Variants in EPHA1 observed in about 807,000 individuals in gnomAD.
EPHA1 encodes the protein EPH receptor A1, also known as ephrin type-A receptor 1.
A neutral mutation model predicts 110.1 loss-of-function variants in EPHA1; 92 were observed. That is an observed-to-expected ratio of 0.84 (90% CI 0.71 to 0.99). The LOEUF is 0.99. Ranked by LOEUF, EPHA1 falls within the 50% of genes least tolerant of loss-of-function variation. EPHA1 has a pLI of 0.00. For missense variants in EPHA1, 1,204 were observed against 1,285.4 expected, an observed-to-expected ratio of 0.94 and a Z score of 0.97; for synonymous variants, 500 against 516.1, an observed-to-expected ratio of 0.97 and a Z score of 0.42.
chr7:143,403,556 T>C (rs964697979), intron 2 of EPHA1, among the ~76,000 whole-genome samples: 7 of 152,272 alleles, frequency 4.6e-5, no homozygotes, highest in African/African-American at 1.7e-4. Context: ...CATGTACAGA[T>C]TGATGTAAGA....
In EPHA1 at chr7:143,391,235, C is replaced by T. The variant is rs1140689; in HGVS notation, c.*222G>A. 5.1e-6 allele frequency: 3 copies of T among 590,378 alleles called. No individual in the cohort carries two copies. The highest frequency in any genetic ancestry group is 9.1e-6 in the Non-Finnish European group (3 of 331,356). The allele number at this position is 590,378 out of a possible 1,614,324, so 36.6% of individuals were successfully genotyped here. A position where few individuals can be genotyped will look rare whatever the true frequency, so the allele number is the denominator to read the frequency against. On this transcript the variant is annotated 3_prime_UTR_variant, in exon 18 of 18. Coordinates refer to ENST00000275815, the MANE Select transcript of EPHA1 (RefSeq NM_005232.5). ...TATGTATGTATATATATTAACCCCT[C>T]AGCTCCCTCCCATGATCATCCTTTT...
chr7:143,407,443 C>T (rs1049717430), intron 2 of EPHA1, among the ~76,000 whole-genome samples, 168 bp downstream of exon 2: 1 of 152,102 alleles, frequency 6.6e-6, no homozygotes, highest in African/African-American at 2.4e-5. Flanking sequence ...CTGACCCCCC[C>T]ACCCCTTGTC....
intron 2 of EPHA1, among the ~76,000 whole-genome samples, chr7:143,405,116 A>G (rs1805511314): frequency 6.6e-6 from 1 of 152,114 alleles, no homozygotes; most frequent in African/African-American, 2.4e-5. Context: ...AGGAAGCTGG[A>G]ATGAAAAAGG....
In EPHA1 at chr7:143,393,253, G is replaced by GC. The variant is rs1005865776; in HGVS notation, c.2696+417dup. Among the ~76,000 whole-genome samples the GC allele has an allele frequency of 1.1e-4, 17 of 152,120 alleles. No individual in the cohort carries two copies. Among genetic ancestry groups the GC allele is most frequent in the African/African-American group, 4.1e-4 (17 of 41,416 alleles). Reference sequence around the variant, plus strand: ...ATCTCCAATGTCCAGCAAACAGCTTGCACCAGTAGGTCCTCCAAAACTTCA... The same window carrying GC: ...ATCTCCAATGTCCAGCAAACAGCTTGCCACCAGTAGGTCCTCCAAAACTTCA... On this transcript the variant is annotated intron_variant, in intron 16 of 17. Coordinates refer to ENST00000275815, the MANE Select transcript of EPHA1 (RefSeq NM_005232.5). This position sits in a 1 kb window ranked among gnomAD's most constrained non-coding sequence, Gnocchi z 5.6.
At chr7:143,403,523 T>C (rs73726639) in intron 2 of EPHA1, among the ~76,000 whole-genome samples, 23 of 149,872 alleles carry the variant, frequency 1.5e-4, no homozygotes, top group African/African-American at 5.5e-4. Context: ...CAGCTTCTAG[T>C]TTTTTTTTCT....
intron 11 of EPHA1, among the ~76,000 whole-genome samples, 162 bp downstream of exon 11, chr7:143,396,223 C>T (rs759808203): frequency 6.6e-6 from 1 of 152,192 alleles, no homozygotes; most frequent in Non-Finnish European, 1.5e-5. Flanking sequence ...CGCAATGGTT[C>T]AAAGAGGATA....
rs1554448252 is a variant in EPHA1 at position 143,397,545 on chromosome 7, G to GC, written c.1712+15_1712+16insG. 5 of 1,613,674 alleles carry GC rather than the reference G, an allele frequency of 3.1e-6. No individual in the cohort carries two copies. The highest frequency in any genetic ancestry group is 4.2e-6 in the Non-Finnish European group (5 of 1,179,738). On this transcript the variant is annotated intron_variant, in intron 9 of 17. Coordinates refer to ENST00000275815, the MANE Select transcript of EPHA1 (RefSeq NM_005232.5). ...GACCCAGGGCTGGTGGTTGGGGAGG[G>GC]GGCAGGAGCTGGCACCTGGACCGGA...
intron 3 of EPHA1, 74 bp from the exon 4 acceptor site, chr7:143,400,127 T>A: frequency 6.7e-7 from 1 of 1,489,656 alleles, no homozygotes; most frequent in Non-Finnish European, 9.0e-7. Context: ...GAAACAATCG[T>A]TTGCTTAATA....
intron 4 of EPHA1, 51 bp from the exon 5 acceptor site, chr7:143,399,464 A>G: frequency 6.5e-7 from 1 of 1,547,106 alleles, no homozygotes; most frequent in Non-Finnish European, 8.7e-7. Context: ...TTTTACAGGC[A>G]GAACCACCAC....
chr7:143,394,236 C>T lies in EPHA1; in HGVS notation c.2460G>A (p.Leu820=), dbSNP rs977426872. The change falls in exon 15 of 18, where the codon CTG becomes CTA. Residue 820 remains leucine (L), a synonymous_variant. Coordinates refer to ENST00000275815, the MANE Select transcript of EPHA1 (RefSeq NM_005232.5). ...CCCCATAAGGCTTGTCCCCAAAGCT[C>T]AGCACCTCCCACATCACAATCCCAA... ...WSFGIVMWEV[L]SFGDKPYGEM... The T allele has an allele frequency of 7.4e-6, 12 of 1,613,960 alleles. No individual in the cohort carries two copies. The highest frequency in any genetic ancestry group is 4.0e-5 in the African/African-American group (3 of 74,892).
rs775145198 is a variant in EPHA1 at position 143,394,961 on chromosome 7, T to C, written c.2199A>G (p.Ile733Met). The C allele has an allele frequency of 2.5e-5, 41 of 1,614,054 alleles. No homozygotes were observed. In the South Asian group the frequency reaches 2.9e-4, roughly 11 times the overall value. ...PGQLVAMLQG[I>M]ASGMNYLSNH... is the part of the protein sequence containing the mutation. ...TACTGAGGTAGTTCATGCCAGATGC[T>C]ATGCCCTGCAGCATGGCCACTAGCT... Residue 733 changes from isoleucine to methionine, a missense_variant, in exon 14 of 18, where the codon ATA (isoleucine) becomes ATG (methionine). Ile to Met is a conservative substitution (Grantham distance 10, BLOSUM62 1). Coordinates refer to ENST00000275815, the MANE Select transcript of EPHA1 (RefSeq NM_005232.5).
rs1050291925 is a variant in EPHA1 at position 143,407,666 on chromosome 7, T to C, written c.95A>G (p.Asp32Gly). 1 of 1,613,332 alleles carries C rather than the reference T, an allele frequency of 6.2e-7. No individual in the cohort carries two copies. The highest frequency in any genetic ancestry group is 1.3e-5 in the African/African-American group (1 of 74,902). ...CAGCTCTCCCTGTGCCTTGCTTGTG[T>C]CCATCAGAGTAACTGAAAGTGGGGA... ...GARAKEVTLM[D>G]TSKAQGELGW... The change falls in exon 2 of 18, where the codon GAC becomes GGC. Residue 32 changes from aspartate to glycine, a missense_variant. By Grantham distance (94) the Asp-to-Gly change is moderately conservative. Coordinates refer to ENST00000275815, the MANE Select transcript of EPHA1 (RefSeq NM_005232.5).
In EPHA1 at chr7:143,395,350, A is replaced by G. The variant is rs768978982; in HGVS notation, c.2052T>C (p.His684=). The G allele has an allele frequency of 6.2e-7, 1 of 1,614,192 alleles. No homozygotes were observed. Among genetic ancestry groups the G allele is most frequent in the South Asian group, 1.1e-5 (1 of 91,084 alleles). ...ATIMGQFSHP[H]ILHLEGVVTK... ...TGACGACGCCTTCCAGATGCAGAATATGCGGGTGGCTAAACTGGCCCATGA... is the reference window on the plus strand; with the variant it reads ...TGACGACGCCTTCCAGATGCAGAATGTGCGGGTGGCTAAACTGGCCCATGA... Residue 684 remains histidine (H), a synonymous_variant, in exon 12 of 18, where the codon CAT becomes CAC. Coordinates refer to ENST00000275815, the MANE Select transcript of EPHA1 (RefSeq NM_005232.5). The surrounding 1 kb of genome is among the most constrained non-coding windows in gnomAD (Gnocchi z 4.7).
At chr7:143,392,331 GA>G (rs1262995405) in intron 16 of EPHA1, among the ~76,000 whole-genome samples, 1 of 152,192 alleles carries the variant, frequency 6.6e-6, no homozygotes, top group African/African-American at 2.4e-5. Context: ...TCTGCTGGGG[GA>G]AAAAATATCC....
At chr7:143,405,846 G>C (rs892817027) in intron 2 of EPHA1, among the ~76,000 whole-genome samples, 3 of 152,156 alleles carry the variant, frequency 2.0e-5, no homozygotes, top group African/African-American at 7.2e-5. Context: ...CAGAGGGAAA[G>C]AAAGCAAGTA....
intron 3 of EPHA1, 108 bp from the exon 4 acceptor site, chr7:143,400,161 G>T: frequency 1.5e-6 from 2 of 1,319,052 alleles, no homozygotes; most frequent in Non-Finnish European, 2.0e-6. Context: ...TGAACACTGA[G>T]CCTTGTATGT....
At chr7:143,392,398 C>G (rs1007111135) in intron 16 of EPHA1, among the ~76,000 whole-genome samples, 1 of 152,140 alleles carries the variant, frequency 6.6e-6, no homozygotes, top group African/African-American at 2.4e-5. Context: ...AGTTGCGCTC[C>G]AAAAGATAGT....
In EPHA1 at chr7:143,391,694, G is replaced by A; in HGVS notation, c.2778C>T (p.Arg926=). Residue 926 remains arginine (R), a synonymous_variant, in exon 17 of 18, where the codon CGC becomes CGT. Coordinates refer to ENST00000275815, the MANE Select transcript of EPHA1 (RefSeq NM_005232.5). Reference sequence around the variant, plus strand: ...GGAAGTGCAGGATGTAGCGTTTCATGCGTATGGACTCGAGCCACTCAGAGA... The same window carrying A: ...GGAAGTGCAGGATGTAGCGTTTCATACGTATGGACTCGAGCCACTCAGAGA... The part of the protein sequence containing the change: ...RTVSEWLESI[R]MKRYILHFHS... 1 of 1,614,040 alleles carries A rather than the reference G, an allele frequency of 6.2e-7. No homozygotes were observed. Among genetic ancestry groups the A allele is most frequent in the Non-Finnish European group, 8.5e-7 (1 of 1,180,038 alleles).
intron 3 of EPHA1, among the ~76,000 whole-genome samples, chr7:143,400,299 C>A (rs1480027669): frequency 3.3e-5 from 5 of 152,106 alleles, no homozygotes; most frequent in African/African-American, 1.2e-4. Context: ...AAGATAAAGA[C>A]CTTGTATAAG....
Sources: allele counts gnomAD v4.1 joint callset (sites outside exome capture counted in the v4.1 genomes callset), GRCh38; gene constraint gnomAD v4.1.1; non-coding constraint Gnocchi (gnomAD v3.1); transcripts MANE v1.5; gene names NCBI Gene and HGNC (gene_info 2026-07-23, HGNC 2026-07-21).